CDH10: variants seen among roughly 807,000 people sequenced by gnomAD.
CDH10 encodes cadherin-10.
A neutral mutation model predicts 73.1 loss-of-function variants in CDH10; 30 were observed. That is an observed-to-expected ratio of 0.41 (90% CI 0.31 to 0.56). The LOEUF is 0.56. Ranked by LOEUF, CDH10 falls within the 20% of genes least tolerant of loss-of-function variation. The pLI, the probability that CDH10 is intolerant of heterozygous loss-of-function variation, is 0.27. For missense variants in CDH10, 815 were observed against 973.7 expected (o/e 0.84, Z 2.17); for synonymous variants, 345 against 348.2 (o/e 0.99, Z 0.10).
At chr5:24,602,171 C>T (rs942629206) in intron 1 of CDH10, among the ~76,000 whole-genome samples, 2 of 152,098 alleles carry the variant, frequency 1.3e-5, no homozygotes, top group Non-Finnish European at 2.9e-5. Context: ...CAAAAATTCA[C>T]ACTTATTAAA....
chr5:24,519,147 T>A (rs1354867960), intron 5 of CDH10, among the ~76,000 whole-genome samples: 1 of 151,988 alleles, frequency 6.6e-6, no homozygotes, highest in Non-Finnish European at 1.5e-5. Context: ...TGCCTCAGCC[T>A]CCCAAAATGC....
At chr5:24,516,314 T>A (rs1300086502) in intron 5 of CDH10, among the ~76,000 whole-genome samples, 1 of 152,150 alleles carries the variant, frequency 6.6e-6, no homozygotes, top group Non-Finnish European at 1.5e-5. Flanking sequence ...TTCTCGTTTG[T>A]TAAGTTACCA....
intron 5 of CDH10, among the ~76,000 whole-genome samples, chr5:24,522,458 T>C (rs141175772): frequency 2.2e-4 from 33 of 151,396 alleles, no homozygotes; most frequent in African/African-American, 7.8e-4. Flanking sequence ...ATGCATGAGA[T>C]CCAGAAAGTT....
intron 2 of CDH10, among the ~76,000 whole-genome samples, chr5:24,560,737 T>G (rs1269171895): frequency 6.6e-6 from 1 of 152,140 alleles, no homozygotes. Context: ...TATAAATGGT[T>G]GTCAGTGTAT....
intron 7 of CDH10, among the ~76,000 whole-genome samples, chr5:24,506,112 C>CA (rs956289293): frequency 0.13 from 10,322 of 81,676 alleles, 414 homozygotes; most frequent in Middle Eastern, 0.19. Flanking sequence ...AAGACTCCGT[C>CA]AAAAAAAAAA....
intron 4 of CDH10, 143 bp from the exon 5 acceptor site, chr5:24,535,422 A>G: frequency 2.4e-6 from 2 of 826,028 alleles, no homozygotes; most frequent in Non-Finnish European, 3.8e-6. Context: ...AGAAATTATA[A>G]AAGTGATTCT....
intron 2 of CDH10, among the ~76,000 whole-genome samples, chr5:24,552,757 C>T (rs912746559): frequency 9.9e-5 from 15 of 151,942 alleles, no homozygotes; most frequent in African/African-American, 3.6e-4. Flanking sequence ...TGTCTAAATT[C>T]TTATTTTTCT....
intron 2 of CDH10, among the ~76,000 whole-genome samples, chr5:24,588,591 C>T (rs773482979): frequency 6.6e-6 from 1 of 152,136 alleles, no homozygotes; most frequent in Non-Finnish European, 1.5e-5. Context: ...GCTTCTCCTC[C>T]GACTTCATTC....
intron 2 of CDH10, among the ~76,000 whole-genome samples, chr5:24,565,623 A>C (rs774393321): frequency 2.6e-5 from 4 of 152,154 alleles, no homozygotes; most frequent in Non-Finnish European, 4.4e-5. Flanking sequence ...TCCCAGAATA[A>C]TTAGATTTGG....
intron 2 of CDH10, among the ~76,000 whole-genome samples, chr5:24,572,626 GA>G (rs1279391323): frequency 7.6e-6 from 1 of 131,532 alleles, no homozygotes; most frequent in African/African-American, 3.3e-5. Context: ...AGTTCTGGCA[GA>G]AAAATAGCAA....
At chr5:24,499,688 GAA>G (rs36056652) in intron 8 of CDH10, among the ~76,000 whole-genome samples, 24,714 of 147,450 alleles carry the variant, frequency 0.17, 2,126 homozygotes, top group Admixed American at 0.22. Context: ...TTCCATCTCA[GAA>G]AAAAAAAAAA....
intron 2 of CDH10, among the ~76,000 whole-genome samples, chr5:24,547,836 G>A (rs1340019553): frequency 6.6e-6 from 1 of 152,146 alleles, no homozygotes; most frequent in Non-Finnish European, 1.5e-5. Context: ...CTGGTCCCTT[G>A]ACAAATGGCC....
chr5:24,567,944 A>T (rs980702610), intron 2 of CDH10, among the ~76,000 whole-genome samples: 1 of 152,064 alleles, frequency 6.6e-6, no homozygotes, highest in Non-Finnish European at 1.5e-5. Flanking sequence ...CACTTCAATG[A>T]TGTCTCAAAT....
intron 1 of CDH10, among the ~76,000 whole-genome samples, chr5:24,623,083 G>A (rs901859732): frequency 6.6e-5 from 10 of 152,060 alleles, no homozygotes; most frequent in Non-Finnish European, 8.8e-5. Context: ...CCAGAAATGA[G>A]AATTATTTCA....
chr5:24,539,253 C>T (rs1405887348), intron 2 of CDH10, among the ~76,000 whole-genome samples: 1 of 151,950 alleles, frequency 6.6e-6, no homozygotes, highest in African/African-American at 2.4e-5. Context: ...CTTACACCAA[C>T]ACTCATTTTC....
Position 24,537,412 on chromosome 5 carries a change from T to C in CDH10, c.494A>G (p.Tyr165Cys), listed in dbSNP as rs1408711384. ...AGACATTTCGGGAACACTAGCTGTA[T>C]AGATTTCTTCTGGGAACGTTGGCTC... ...DNEPTFPEEI[Y>C]TASVPEMSVV... Residue 165 changes from tyrosine to cysteine, a missense_variant, in exon 3 of 12, where the codon TAT becomes TGT. This residue lies in a region of CDH10 where 516 missense variants were observed against 636.6 expected (regional missense o/e 0.81). Transcript: ENST00000264463. 4 of 1,612,490 alleles carry C rather than the reference T, an allele frequency of 2.5e-6. No individual in the cohort carries two copies. The highest frequency in any genetic ancestry group is 1.3e-5 in the African/African-American group (1 of 74,834).
intron 5 of CDH10, among the ~76,000 whole-genome samples, chr5:24,516,451 C>A (rs556368353): frequency 6.8e-6 from 1 of 147,508 alleles, no homozygotes; most frequent in Non-Finnish European, 1.5e-5. Flanking sequence ...CAATTAATAC[C>A]ACCATTTACT....
intron 1 of CDH10, among the ~76,000 whole-genome samples, chr5:24,625,833 C>G (rs1747478166): frequency 6.6e-6 from 1 of 151,428 alleles, no homozygotes; most frequent in South Asian, 2.1e-4. Context: ...AAGTATTAAT[C>G]TTTGTTGCAG....
At chr5:24,538,219 G>A (rs1027927940) in intron 2 of CDH10, among the ~76,000 whole-genome samples, 3 of 151,948 alleles carry the variant, frequency 2.0e-5, no homozygotes, top group Non-Finnish European at 2.9e-5. Flanking sequence ...AATAGACAGC[G>A]ATTACCCCAC....
Sources: allele counts gnomAD v4.1 joint callset (sites outside exome capture counted in the v4.1 genomes callset), GRCh38; gene constraint gnomAD v4.1.1; regional missense constraint gnomAD v4.1.1; transcripts MANE v1.5; gene names NCBI Gene and HGNC (gene_info 2026-07-23, HGNC 2026-07-21).